CCNG1: variants seen among roughly 807,000 people sequenced by gnomAD.
CCNG1 encodes the protein cyclin-G1.
In CCNG1, 13 loss-of-function variants were observed where a neutral mutation model predicts 30.0. That is an observed-to-expected ratio of 0.43 (90% CI 0.28 to 0.69). The LOEUF (loss-of-function observed/expected upper bound fraction) is 0.69. CCNG1 is among the 30% of genes least tolerant of loss of function. The pLI, the probability that CCNG1 is intolerant of heterozygous loss-of-function variation, is 0.16. For missense variants in CCNG1, 285 were observed against 331.4 expected (o/e 0.86, Z 1.09); for synonymous variants, 110 against 121.5 (o/e 0.91, Z 0.62).
At position 163,441,897 on chromosome 5, in the gene CCNG1, T is replaced by A; in HGVS notation, c.530T>A (p.Ile177Asn). Residue 177 changes from isoleucine (I) to asparagine (N), a missense_variant, in exon 4 of 7, where the codon ATT (isoleucine) becomes AAT (asparagine). By Grantham distance (149) the Ile-to-Asn change is moderately radical. Transcript: ENST00000340828. ...ENLPLERRNS[I>N]NFERLEAQLK... The stretch of plus-strand genomic sequence containing the variant: ...TTTTCTTTTTAAAGGAGAAATAGCA[T>A]TAATTTTGAAAGACTAGAAGCTCAA... 6.3e-7 allele frequency: 1 copy of A among 1,596,066 alleles called. No homozygotes were observed. Among genetic ancestry groups the A allele is most frequent in the Non-Finnish European group, 8.6e-7 (1 of 1,164,260 alleles).
At chr5:163,454,775 C>T in the CCNG1 span, among the ~76,000 whole-genome samples, 2 of 152,086 alleles carry the variant, frequency 1.3e-5, no homozygotes, top group Non-Finnish European at 2.9e-5. Flanking sequence ...TGGGCTATTT[C>T]GTTTATCCAA....
At chr5:163,451,289 G>A in the CCNG1 span, 31 of 152,208 alleles carry the variant, frequency 2.0e-4, 1 homozygote, top group Middle Eastern at 3.4e-3. Context: ...ACAATAAAGC[G>A]TTTTTCTTAA....
chr5:163,448,557 T>G (rs1205310691), downstream of CCNG1: 1 of 152,156 alleles, frequency 6.6e-6, no homozygotes, highest in Non-Finnish European at 1.5e-5. Context: ...TCATAAAACA[T>G]TTAAAGATAT....
In CCNG1 at chr5:163,443,952, A is replaced by G. The variant is rs1002125349; in HGVS notation, c.*282A>G. 7 of 456,160 alleles carry G rather than the reference A, an allele frequency of 1.5e-5. No individual in the cohort carries two copies. Among genetic ancestry groups the G allele is most frequent in the Non-Finnish European group, 2.3e-5 (6 of 257,882 alleles). The allele number at this position is 456,160 out of a possible 1,614,324, so 28.3% of individuals were successfully genotyped here. On this transcript the variant is annotated 3_prime_UTR_variant, in exon 7 of 7. Transcript: ENST00000340828. ...TAAACTGTGAATCTTCATTTCTATC[A>G]TTGATCTAACTTTAGATATTGGATC...
At position 163,441,257 on chromosome 5, in the gene CCNG1, A is replaced by C. The variant is rs1394166102; in HGVS notation, c.444A>C (p.Lys148Asn). The C allele has an allele frequency of 6.2e-7, 1 of 1,614,036 alleles. No individual in the cohort carries two copies. The highest frequency in any genetic ancestry group is 1.1e-5 in the South Asian group (1 of 91,080). The change falls in exon 3 of 7, where the codon AAA (lysine) becomes AAC (asparagine). Residue 148 changes from lysine to asparagine, a missense_variant. Lys to Asn is a moderately conservative substitution (Grantham distance 94). Coordinates refer to ENST00000340828, the MANE Select transcript of CCNG1 (RefSeq NM_004060.4). ...EKIVLEKVCW[K>N]VKATTAFQFL... ...TTGTATTGGAGAAGGTGTGTTGGAA[A>C]GTCAAAGCTACTACTGCCTTTCAAT...
the CCNG1 span, chr5:163,453,735 C>A: frequency 1.2e-5 from 4 of 322,034 alleles, no homozygotes; most frequent in Non-Finnish European, 2.3e-5. Flanking sequence ...TATAAAACTT[C>A]ATGCTGAGCA....
the CCNG1 span, chr5:163,457,111 C>A: frequency 6.5e-7 from 1 of 1,534,380 alleles, no homozygotes; most frequent in Admixed American, 2.1e-5. Context: ...CACACACGCA[C>A]AAATAAATTA....
At chr5:163,454,632 C>A in the CCNG1 span, among the ~76,000 whole-genome samples, 6 of 152,198 alleles carry the variant, frequency 3.9e-5, no homozygotes, top group Non-Finnish European at 8.8e-5. Flanking sequence ...TGAGCCATGG[C>A]GCCCAGCCTA....
the CCNG1 span, chr5:163,454,093 G>T: frequency 9.5e-7 from 1 of 1,056,290 alleles, no homozygotes; most frequent in African/African-American, 1.7e-5. Flanking sequence ...AAACTTATAA[G>T]GAAAAATACA....
Position 163,444,731 on chromosome 5 carries a change from C to T in CCNG1, c.*1061C>T, listed in dbSNP as rs1757987148. 6.6e-6 allele frequency: 1 copy of T among 152,614 alleles called. No individual in the cohort carries two copies. Among genetic ancestry groups the T allele is most frequent in the African/African-American group, 2.4e-5 (1 of 41,454 alleles). 9.5% of individuals were successfully genotyped at this position (152,614 alleles called of 1,614,324 possible). A position where few individuals can be genotyped will look rare whatever the true frequency, so the allele number is the denominator to read the frequency against. ...AGTGTTAAAGTGTTGTAAACAGTTA[C>T]TCAGTGCAATGTATAGCCTGAGTCT... On this transcript the variant is annotated 3_prime_UTR_variant, in exon 7 of 7. Coordinates refer to ENST00000340828, the MANE Select transcript of CCNG1 (RefSeq NM_004060.4).
intron 6 of CCNG1, 24 bp downstream of exon 6, chr5:163,442,592 TC>T: frequency 6.5e-7 from 1 of 1,534,074 alleles, no homozygotes; most frequent in Non-Finnish European, 8.9e-7. Context: ...GTTATTATTC[TC>T]CAGATAGAGA....
Position 163,442,076 on chromosome 5 carries a change from T to C in CCNG1, c.629T>C (p.Leu210Ser). The C allele has an allele frequency of 1.2e-6, 2 of 1,612,580 alleles. No individual in the cohort carries two copies. The highest frequency in any genetic ancestry group is 1.7e-6 in the Non-Finnish European group (2 of 1,178,880). Reference sequence around the variant, plus strand: ...GTGTTGGCATTGTCTATCATTGCATTAGAGATCCAAGCACAGAAGTGTGTA... The same window carrying C: ...GTGTTGGCATTGTCTATCATTGCATCAGAGATCCAAGCACAGAAGTGTGTA... Reference protein sequence around the residue: ...PSVLALSIIALEIQAQKCVEL... With the variant: ...PSVLALSIIASEIQAQKCVEL... Residue 210 changes from leucine to serine, a missense_variant, in exon 5 of 7, where the codon TTA (leucine) becomes TCA (serine). Physicochemically the swap from Leu to Ser is moderately radical, Grantham distance 145. Coordinates refer to ENST00000340828, the MANE Select transcript of CCNG1 (RefSeq NM_004060.4).
At chr5:163,457,086 A>G in the CCNG1 span, 2 of 1,589,810 alleles carry the variant, frequency 1.3e-6, no homozygotes, top group Middle Eastern at 1.7e-4. Context: ...GTCCTCTAAA[A>G]AAAAAACACA....
chr5:163,449,733 T>C (rs1191827119), downstream of CCNG1: 1 of 152,174 alleles, frequency 6.6e-6, no homozygotes, highest in Non-Finnish European at 1.5e-5. Flanking sequence ...CATAGATCGA[T>C]GGAATAAAGT....
At chr5:163,447,463 AT>A (rs1758066628), downstream of CCNG1, 1 of 147,658 alleles carries the variant, frequency 6.8e-6, no homozygotes, top group Non-Finnish European at 1.5e-5. Flanking sequence ...AAAAAAAAAC[AT>A]GAAGCAAAAA....
rs1423795940 is a variant in CCNG1, at chr5:163,442,257, T to C, written c.696+114T>C. 4 of 1,076,432 alleles carry C rather than the reference T, an allele frequency of 3.7e-6. No individual in the cohort carries two copies. The African/African-American group carries it at 6.4e-5, about 17-fold the overall frequency. The allele number at this position is 1,076,432 out of a possible 1,614,324, so 66.7% of individuals were successfully genotyped here. ...TGTTTATTTGAAACTTAAGTAGCTA[T>C]CCTCAAATGTTTTTAATGAGCAAAG... is the stretch of plus-strand genomic sequence containing the variant. On this transcript the variant is annotated intron_variant, in intron 5 of 6. Coordinates refer to ENST00000340828, the MANE Select transcript of CCNG1 (RefSeq NM_004060.4).
At chr5:163,441,568 C>A in intron 3 of CCNG1, 1 of 495,630 alleles carries the variant, frequency 2.0e-6, no homozygotes, top group African/African-American at 2.0e-5. Context: ...AGTAGGAAAG[C>A]ATCTAACACA....
chr5:163,454,142 G>C, the CCNG1 span: 1 of 561,478 alleles, frequency 1.8e-6, no homozygotes, highest in Admixed American at 3.3e-5. Flanking sequence ...ATATATAAAT[G>C]ACCAATAAAT....
At chr5:163,456,976 G>C in the CCNG1 span, 3 of 1,612,328 alleles carry the variant, frequency 1.9e-6, no homozygotes, top group Non-Finnish European at 2.5e-6. Flanking sequence ...ATTTGGTCTT[G>C]CACCCAAGGA....
Sources: gnomAD v4.1 joint callset for allele counts (sites outside exome capture counted in the v4.1 genomes callset) on GRCh38, gnomAD v4.1.1 for gene constraint, MANE v1.5 for transcripts, NCBI Gene and HGNC (gene_info 2026-07-23, HGNC 2026-07-21) for gene names.